The following WDR41 variants were observed in gnomAD, a reference collection of about 807,000 sequenced individuals.
The protein encoded by WDR41 is WD repeat-containing protein 41.
In WDR41, 63 loss-of-function variants were observed where a neutral mutation model predicts 69.3. The ratio of observed to expected loss-of-function variants is 0.91; its 90% confidence interval spans 0.74 to 1.12. The LOEUF (loss-of-function observed/expected upper bound fraction) is 1.12, where lower values mean the gene tolerates loss of function less well. Ranked by LOEUF, WDR41 falls within the 50% of genes most tolerant of loss-of-function variation. WDR41 has a pLI of 0.00. For synonymous variants in WDR41, 185 were observed against 192.1 expected, an observed-to-expected ratio of 0.96 and a Z score of 0.31; for missense variants, 543 against 534.5, an observed-to-expected ratio of 1.02 and a Z score of -0.16.
intron 1 of WDR41, among the ~76,000 whole-genome samples, chr5:77,506,155 A>T (rs1802102754): frequency 6.6e-6 from 1 of 152,236 alleles, no homozygotes; most frequent in South Asian, 2.1e-4. Flanking sequence ...AAGGGCTAAT[A>T]TCCAGAATCT....
rs192402135 is a variant in WDR41, at chr5:77,590,812, T to A, written c.42+29667A>T. ...TCACTACAGTATTAATGAGAGAGAT[T>A]GGCTTGTATTTTTCCTTTCTTGTAT... On this transcript the variant is annotated intron_variant, in intron 1 of 5. Transcript: ENST00000509971. 3.3e-5 allele frequency among the ~76,000 whole-genome samples: 5 copies of A among 152,342 alleles called. No individual in the cohort carries two copies. The East Asian group carries it at 7.7e-4, about 24-fold the overall frequency.
intron 1 of WDR41, among the ~76,000 whole-genome samples, chr5:77,602,689 T>C (rs1220290755): frequency 6.6e-6 from 1 of 152,214 alleles, no homozygotes; most frequent in African/African-American, 2.4e-5. Context: ...ATCTTTGCTA[T>C]TATAAATAGT....
At chr5:77,607,715 T>C (rs1435844416) in intron 1 of WDR41, among the ~76,000 whole-genome samples, 1 of 152,254 alleles carries the variant, frequency 6.6e-6, no homozygotes, top group East Asian at 1.9e-4. Flanking sequence ...GTAAATTTCT[T>C]TAATAATATA....
chr5:77,535,646 A>T (rs1420327083), intron 1 of WDR41, among the ~76,000 whole-genome samples: 3 of 152,220 alleles, frequency 2.0e-5, no homozygotes, highest in Non-Finnish European at 4.4e-5. Context: ...GAAAGGGAAC[A>T]GTTGGCCTAG....
intron 1 of WDR41, among the ~76,000 whole-genome samples, chr5:77,520,374 A>G: frequency 6.6e-6 from 1 of 152,122 alleles, no homozygotes; most frequent in South Asian, 2.1e-4. Flanking sequence ...TAATTTTCAC[A>G]CTTTCTCTGT....
intron 8 of WDR41, among the ~76,000 whole-genome samples, chr5:77,445,637 C>T (rs1008657049): frequency 1.3e-5 from 2 of 152,126 alleles, no homozygotes; most frequent in Non-Finnish European, 1.5e-5. Context: ...AATCAATAAA[C>T]GTAATCCATC....
intron 12 of WDR41, among the ~76,000 whole-genome samples, chr5:77,434,450 C>A (rs914601113): frequency 6.6e-6 from 1 of 152,052 alleles, no homozygotes; most frequent in Non-Finnish European, 1.5e-5. Flanking sequence ...ACACAAAATT[C>A]AGTACACAGG....
intron 1 of WDR41, among the ~76,000 whole-genome samples, chr5:77,549,259 C>T (rs758892654): frequency 7.9e-5 from 12 of 152,118 alleles, no homozygotes; most frequent in Non-Finnish European, 1.6e-4. Context: ...CAAATATTAC[C>T]TGTTCCCCAA....
intron 2 of WDR41, among the ~76,000 whole-genome samples, chr5:77,471,485 G>A (rs116376764): frequency 0.054 from 8,154 of 152,144 alleles, 360 homozygotes; most frequent in Admixed American, 0.13. Flanking sequence ...AATGAATCCC[G>A]GAACCGGTTT....
At chr5:77,592,721 A>G (rs1744155115) in intron 1 of WDR41, among the ~76,000 whole-genome samples, 1 of 152,158 alleles carries the variant, frequency 6.6e-6, no homozygotes, top group Non-Finnish European at 1.5e-5. Context: ...TCTCCCAGCA[A>G]TGATGTTTTC....
At chr5:77,541,338 C>A (rs1179756352) in intron 1 of WDR41, among the ~76,000 whole-genome samples, 1 of 151,682 alleles carries the variant, frequency 6.6e-6, no homozygotes, top group Non-Finnish European at 1.5e-5. Context: ...ATTCAGTCAA[C>A]AAACATGAAA....
intron 9 of WDR41, 86 bp downstream of exon 9, chr5:77,440,727 G>T: frequency 1.5e-6 from 2 of 1,309,610 alleles, no homozygotes; most frequent in Admixed American, 4.2e-5. Flanking sequence ...CCTTTTTTAT[G>T]TCCAACATGG....
chr5:77,593,846 C>T (rs973946486), intron 1 of WDR41, among the ~76,000 whole-genome samples: 1 of 152,072 alleles, frequency 6.6e-6, no homozygotes, highest in Non-Finnish European at 1.5e-5. Flanking sequence ...GCTTATACTC[C>T]TGCTAATTGG....
chr5:77,577,819 T>C (rs1026867612), intron 1 of WDR41, among the ~76,000 whole-genome samples: 2 of 152,186 alleles, frequency 1.3e-5, no homozygotes, highest in African/African-American at 4.8e-5. Context: ...ATAAACCCAT[T>C]GTAAGTTGAA....
In WDR41 at chr5:77,433,034, A is replaced by AAAAAAAAATTACC; in HGVS notation, c.*100_*101insGGTAATTTTTTTT. 7.4e-7 allele frequency: 1 copy of AAAAAAAAATTACC among 1,345,062 alleles called. No individual in the cohort carries two copies. The highest frequency in any genetic ancestry group is 9.9e-7 in the Non-Finnish European group (1 of 1,013,746). 83.3% of individuals were successfully genotyped at this position (1,345,062 alleles called of 1,614,324 possible). On this transcript the variant is annotated 3_prime_UTR_variant, in exon 13 of 13. Coordinates refer to ENST00000296679, the MANE Select transcript of WDR41 (RefSeq NM_018268.4). ...ATGTAGAATTTTATGGACTGACAAA[A>AAAAAAAAATTACC]AAAATTACCAATTTAAGTGATCAAT...
At chr5:77,542,223 G>A (rs1170371910) in intron 1 of WDR41, among the ~76,000 whole-genome samples, 1 of 152,166 alleles carries the variant, frequency 6.6e-6, no homozygotes, top group Non-Finnish European at 1.5e-5. Context: ...TGAATGACGA[G>A]AAAACATGGA....
chr5:77,599,903 A>T (rs529625009), intron 1 of WDR41, among the ~76,000 whole-genome samples: 1 of 152,336 alleles, frequency 6.6e-6, no homozygotes, highest in South Asian at 2.1e-4. Flanking sequence ...AAGGGCCCAC[A>T]ATGGCACTGG....
chr5:77,433,410 C>G, intron 12 of WDR41, 123 bp from the exon 13 acceptor site: 1 of 710,034 alleles, frequency 1.4e-6, no homozygotes, highest in East Asian at 3.1e-5. Context: ...GGGTGTAGAA[C>G]TTCATTTCAT....
chr5:77,558,094 T>TTAAAAAAAAAAAAAAAAAAAAAA (rs1554036365), intron 1 of WDR41, among the ~76,000 whole-genome samples: 2 of 104,306 alleles, frequency 1.9e-5, no homozygotes, highest in African/African-American at 7.2e-5. Flanking sequence ...ATGTTCTTTT[T>TTAAAAAAAAAAAAAAAAAAAAAA]AAAAAAAAAA....
Sources: gnomAD v4.1 joint callset for allele counts (sites outside exome capture counted in the v4.1 genomes callset) on GRCh38, gnomAD v4.1.1 for gene constraint, MANE v1.5 for transcripts, NCBI Gene and HGNC (gene_info 2026-07-23, HGNC 2026-07-21) for gene names.